USP30: variants seen among roughly 807,000 people sequenced by gnomAD.
USP30 encodes the protein ubiquitin carboxyl-terminal hydrolase 30.
In USP30, 41 loss-of-function variants were observed where a neutral mutation model predicts 68.2. The observed-to-expected ratio is 0.60, with a 90% confidence interval of 0.47 to 0.78. The LOEUF is 0.78. Among genes scored for constraint, USP30 ranks in the 30% least tolerant of loss-of-function variants. The pLI is 0.00. For missense variants in USP30, 522 were observed against 649.4 expected (o/e 0.80, Z 2.13); for synonymous variants, 229 against 253.7 (o/e 0.90, Z 0.93).
intron 3 of USP30, among the ~76,000 whole-genome samples, chr12:109,044,504 G>C (rs1291717824): frequency 1.3e-5 from 2 of 151,798 alleles, no homozygotes; most frequent in South Asian, 2.1e-4. Context: ...AGGCACAAAG[G>C]CTCGTGTCTG....
At chr12:109,078,598 CA>C (rs1184044024) in intron 7 of USP30, among the ~76,000 whole-genome samples, 2,276 of 115,696 alleles carry the variant, frequency 0.02, 55 homozygotes, top group African/African-American at 0.062. Context: ...GACTCCATCT[CA>C]AAAAAAAAAA....
chr12:109,084,919 A>G, intron 11 of USP30, 34 bp from the exon 12 acceptor site: 1 of 1,525,108 alleles, frequency 6.6e-7, no homozygotes, highest in Non-Finnish European at 8.9e-7. Context: ...AGCCACTGCT[A>G]ATTTTCATTG....
chr12:109,059,628 T>C (rs1170822704), intron 3 of USP30, among the ~76,000 whole-genome samples: 1 of 152,114 alleles, frequency 6.6e-6, no homozygotes, highest in African/African-American at 2.4e-5. Flanking sequence ...ATTCTTCTGC[T>C]TCAGCCTCCC....
At chr12:109,072,800 G>A (rs1467298619) in intron 6 of USP30, among the ~76,000 whole-genome samples, 1 of 152,174 alleles carries the variant, frequency 6.6e-6, no homozygotes, top group African/African-American at 2.4e-5. Context: ...AGCCCATGCT[G>A]TTTGCCAGGC....
chr12:109,080,978 AT>A (rs1172649515), intron 7 of USP30, among the ~76,000 whole-genome samples: 2 of 152,246 alleles, frequency 1.3e-5, no homozygotes, highest in Non-Finnish European at 2.9e-5. Flanking sequence ...CTCAGACTGT[AT>A]CCCCATTGTT....
chr12:109,064,003 A>G (rs2041164563), intron 3 of USP30, among the ~76,000 whole-genome samples: 1 of 150,358 alleles, frequency 6.7e-6, no homozygotes, highest in South Asian at 2.1e-4. Context: ...CCTCCTGAGT[A>G]GCTGGGACTA....
chr12:109,082,118 T>C, intron 9 of USP30, 99 bp downstream of exon 9: 6 of 1,309,758 alleles, frequency 4.6e-6, no homozygotes, highest in Non-Finnish European at 5.5e-6. Context: ...CTGTATCCAG[T>C]GGGTCTTTTC....
At chr12:109,035,538 AT>A (rs1191952909) in intron 3 of USP30, among the ~76,000 whole-genome samples, 1 of 151,766 alleles carries the variant, frequency 6.6e-6, no homozygotes, top group Non-Finnish European at 1.5e-5. Context: ...TAATTTTTGT[AT>A]TTTTAGTAGA....
At chr12:109,036,024 G>A (rs1013894801) in intron 3 of USP30, among the ~76,000 whole-genome samples, 1 of 152,134 alleles carries the variant, frequency 6.6e-6, no homozygotes, top group Non-Finnish European at 1.5e-5. Context: ...GCTGGGCATG[G>A]TGGCCCATGG....
chr12:109,052,945 C>T, intron 1 of USP30, 184 bp downstream of exon 1: 1 of 505,028 alleles, frequency 2.0e-6, no homozygotes, highest in Non-Finnish European at 3.3e-6. Context: ...GGCTCCAGTC[C>T]TTCGGCAACA....
intron 4 of USP30, among the ~76,000 whole-genome samples, chr12:109,068,460 T>C (rs550268732): frequency 1.8e-4 from 28 of 152,208 alleles, no homozygotes; most frequent in African/African-American, 4.1e-4. Context: ...TCTCTTGTTT[T>C]TGCTTTATTC....
Position 109,072,379 on chromosome 12 carries a change from A to G in USP30, c.625+29A>G. The G allele has an allele frequency of 2.5e-6, 4 of 1,601,738 alleles. No individual in the cohort carries two copies. In the South Asian group the frequency reaches 3.3e-5, roughly 13 times the overall value. On this transcript the variant is annotated intron_variant, in intron 6 of 12. Coordinates refer to ENST00000257548, the MANE Select transcript of USP30 (RefSeq NM_032663.5). ...GCTGTTTTCCATTGAAATATAACAC[A>G]TAAGATGTGGACTTTTAAGATATGA... is the stretch of plus-strand genomic sequence containing the variant.
At chr12:109,025,129 C>T (rs755717308) in intron 2 of USP30, 1 of 152,164 alleles carries the variant, frequency 6.6e-6, no homozygotes, top group Non-Finnish European at 1.5e-5. Flanking sequence ...GACATCAGAA[C>T]TGCAGGCTCT....
upstream of USP30, among the ~76,000 whole-genome samples, chr12:109,051,431 A>AT (rs573006554): frequency 1.1e-3 from 170 of 148,100 alleles, no homozygotes; most frequent in African/African-American, 4.0e-3. Context: ...TGATTTTTGT[A>AT]TTTTTTAGTA....
chr12:109,066,610 A>G (rs1247433653), intron 3 of USP30, among the ~76,000 whole-genome samples: 4 of 152,114 alleles, frequency 2.6e-5, no homozygotes, highest in Non-Finnish European at 5.9e-5. Flanking sequence ...GCTTGAACCC[A>G]GGAGGCGGAG....
chr12:109,065,922 G>A (rs2041233008), intron 3 of USP30, among the ~76,000 whole-genome samples: 1 of 152,206 alleles, frequency 6.6e-6, no homozygotes, highest in Non-Finnish European at 1.5e-5. Context: ...CAGTGGCAGA[G>A]TTGAGTAGTT....
intron 3 of USP30, among the ~76,000 whole-genome samples, chr12:109,065,460 T>C (rs1324594898): frequency 6.6e-6 from 1 of 152,224 alleles, no homozygotes; most frequent in African/African-American, 2.4e-5. Context: ...AAGCACAAAG[T>C]GTGAAGGCGG....
intron 3 of USP30, among the ~76,000 whole-genome samples, chr12:109,037,212 T>C (rs1414105911): frequency 2.0e-5 from 3 of 152,204 alleles, no homozygotes; most frequent in Non-Finnish European, 4.4e-5. Context: ...TGCTCGCTAG[T>C]GAATTTTTCA....
upstream of USP30, chr12:109,052,418 A>T (rs2040688725): frequency 2.7e-6 from 1 of 365,236 alleles, no homozygotes; most frequent in Admixed American, 4.7e-5. Flanking sequence ...AAGCAGCCCC[A>T]GGCAACTGAG....
Sources: gnomAD v4.1 joint callset for allele counts (sites outside exome capture counted in the v4.1 genomes callset) on GRCh38, gnomAD v4.1.1 for gene constraint, MANE v1.5 for transcripts, NCBI Gene and HGNC (gene_info 2026-07-23, HGNC 2026-07-21) for gene names.